DLG2: variants seen among roughly 807,000 people sequenced by gnomAD.
DLG2 encodes the protein discs large MAGUK scaffold protein 2.
A neutral mutation model predicts 132.5 loss-of-function variants in DLG2; 45 were observed. The observed-to-expected ratio is 0.34, with a 90% CI of 0.27 to 0.44. The LOEUF (loss-of-function observed/expected upper bound fraction) is 0.44. Ranked by LOEUF, DLG2 falls within the 20% of genes least tolerant of loss-of-function variation. The pLI is 1.00. For synonymous variants in DLG2, 424 were observed against 419.6 expected (o/e 1.01, Z -0.13); for missense variants, 1,045 against 1,196.9 (o/e 0.87, Z 1.87).
chr11:84,480,849 C>T (rs2099135368), intron 7 of DLG2, among the ~76,000 whole-genome samples: 1 of 151,564 alleles, frequency 6.6e-6, no homozygotes, highest in African/African-American at 2.4e-5. Context: ...AGCGATTCTC[C>T]TGTCTCAGCC....
At position 83,532,709 on chromosome 11, in the gene DLG2, C is replaced by G. The variant is rs199771883; in HGVS notation, c.2192G>C (p.Gly731Ala). 924 of 1,612,936 alleles carry G rather than the reference C, an allele frequency of 5.7e-4. 17 individuals are homozygous for G. In the South Asian group the frequency reaches 9.7e-3, roughly 17 times the overall value. Reference sequence around the variant, plus strand: ...ATGTTTCCATCATTTTGTACCTACCCCTTTCGAATCAATCACTCCAGGTTT... The same window carrying G: ...ATGTTTCCATCATTTTGTACCTACCGCTTTCGAATCAATCACTCCAGGTTT... ...NAKPGVIDSKGSFNDKRKKSF... is the reference protein window; with the variant it reads ...NAKPGVIDSKASFNDKRKKSF... The change falls in exon 21 of 28, where the codon GGG becomes GCG. Residue 731 changes from glycine (G) to alanine (A), a missense_variant and splice_region_variant. Physicochemically the swap from Gly to Ala is moderately conservative, Grantham distance 60. This residue lies in a region of DLG2 where 398 missense variants were observed against 543.6 expected (regional missense o/e 0.73). Transcript: ENST00000376104.
chr11:85,075,708 A>G (rs774504379), intron 6 of DLG2, among the ~76,000 whole-genome samples: 2 of 151,906 alleles, frequency 1.3e-5, no homozygotes, highest in African/African-American at 2.4e-5. Context: ...CCAAAAATAT[A>G]TAATTTTATG....
chr11:84,504,130 C>T (rs1567812793), intron 7 of DLG2, among the ~76,000 whole-genome samples: 1 of 152,286 alleles, frequency 6.6e-6, no homozygotes, highest in Non-Finnish European at 1.5e-5. Flanking sequence ...CATTTAGGAA[C>T]TATGAAGAAG....
chr11:85,419,462 T>A (rs1408835854), intron 3 of DLG2, among the ~76,000 whole-genome samples: 2 of 152,216 alleles, frequency 1.3e-5, no homozygotes, highest in Non-Finnish European at 2.9e-5. Context: ...TGAATTTGAA[T>A]GTTGGCCTAC....
At chr11:84,267,862 A>G (rs2097663413) in intron 7 of DLG2, among the ~76,000 whole-genome samples, 1 of 152,218 alleles carries the variant, frequency 6.6e-6, no homozygotes, top group African/African-American at 2.4e-5. Context: ...CACACATAGC[A>G]GGGACAATTA....
chr11:84,526,775 GTTT>G (rs775164278), intron 7 of DLG2, among the ~76,000 whole-genome samples: 1 of 120,398 alleles, frequency 8.3e-6, no homozygotes. Context: ...CACTGGGGGT[GTTT>G]TTTTTTTTTT....
chr11:85,536,034 G>A (rs1479627384), intron 3 of DLG2, among the ~76,000 whole-genome samples: 1 of 151,800 alleles, frequency 6.6e-6, no homozygotes, highest in Non-Finnish European at 1.5e-5. Flanking sequence ...TGGGCAACAT[G>A]GTGAAACCCC....
chr11:84,332,893 A>G (rs2098467439), intron 7 of DLG2, among the ~76,000 whole-genome samples: 1 of 152,296 alleles, frequency 6.6e-6, no homozygotes, highest in Non-Finnish European at 1.5e-5. Context: ...TTTCAGTTCC[A>G]GAAAGCACCC....
chr11:84,104,364 A>G (rs993295928), intron 9 of DLG2, among the ~76,000 whole-genome samples: 1 of 152,112 alleles, frequency 6.6e-6, no homozygotes, highest in African/African-American at 2.4e-5. Flanking sequence ...AATGGGAGCT[A>G]AACATCGGGT....
intron 7 of DLG2, among the ~76,000 whole-genome samples, chr11:84,364,576 C>T (rs2098670547): frequency 6.6e-6 from 1 of 152,234 alleles, no homozygotes. Flanking sequence ...AGAGGACATC[C>T]CTGTCTTGTG....
intron 8 of DLG2, among the ~76,000 whole-genome samples, chr11:84,181,826 A>T (rs1434717622): frequency 1.3e-5 from 2 of 152,216 alleles, no homozygotes; most frequent in Non-Finnish European, 2.9e-5. Context: ...CTGGGAGAAG[A>T]TGTAACAACC....
At chr11:84,541,297 C>G (rs12575888) in intron 6 of DLG2, among the ~76,000 whole-genome samples, 16,796 of 151,836 alleles carry the variant, frequency 0.11, 1,008 homozygotes, top group South Asian at 0.22. Flanking sequence ...GACAGGGATG[C>G]CTGGTATACT....
At chr11:84,851,854 A>G (rs142998398) in intron 6 of DLG2, among the ~76,000 whole-genome samples, 97 of 151,974 alleles carry the variant, frequency 6.4e-4, no homozygotes, top group African/African-American at 2.3e-3. Context: ...GTTAAATGAT[A>G]TAGATTTTTA....
chr11:83,803,806 T>C lies in DLG2; in HGVS notation c.1723-17014A>G, dbSNP rs2045164940. ...AATGCTGCCTCCAGAGACATATCTGTCAAACAGTCCACTCCTAAAACATCT... is the reference window on the plus strand; with the variant it reads ...AATGCTGCCTCCAGAGACATATCTGCCAAACAGTCCACTCCTAAAACATCT... On this transcript the variant is annotated intron_variant, in intron 17 of 27. Transcript: ENST00000376104. Among the ~76,000 whole-genome samples, 2 of 152,102 alleles carry C rather than the reference T, an allele frequency of 1.3e-5. 1 individual carries two copies. The highest frequency in any genetic ancestry group is 4.1e-4 in the South Asian group (2 of 4,830).
At chr11:85,227,287 G>T (rs1199414216) in intron 4 of DLG2, among the ~76,000 whole-genome samples, 1 of 151,992 alleles carries the variant, frequency 6.6e-6, no homozygotes, top group Non-Finnish European at 1.5e-5. Context: ...TTACCAGTTT[G>T]TAATCTAAAA....
intron 7 of DLG2, among the ~76,000 whole-genome samples, chr11:84,464,988 C>T (rs2099090290): frequency 6.6e-6 from 1 of 151,146 alleles, no homozygotes; most frequent in Non-Finnish European, 1.5e-5. Context: ...ATTGCCAAAA[C>T]TGACAGAATA....
chr11:84,490,988 T>A (rs2099163581), intron 7 of DLG2, among the ~76,000 whole-genome samples: 1 of 151,912 alleles, frequency 6.6e-6, no homozygotes, highest in African/African-American at 2.4e-5. Context: ...AAATTGAGGA[T>A]AAAGAGGTTA....
At chr11:85,478,450 TA>T (rs368368996) in intron 3 of DLG2, among the ~76,000 whole-genome samples, 4,453 of 152,180 alleles carry the variant, frequency 0.029, 92 homozygotes, top group Non-Finnish European at 0.046. Flanking sequence ...TATTTATTCA[TA>T]AAAAAAATTT....
At chr11:83,961,311 G>C (rs537699001) in intron 14 of DLG2, among the ~76,000 whole-genome samples, 16 of 152,142 alleles carry the variant, frequency 1.1e-4, no homozygotes, top group African/African-American at 3.6e-4. Context: ...GTTGTTTTTA[G>C]AGCTCATCAA....
Sources: allele counts gnomAD v4.1 joint callset (sites outside exome capture counted in the v4.1 genomes callset), GRCh38; gene constraint gnomAD v4.1.1; regional missense constraint gnomAD v4.1.1; transcripts MANE v1.5; gene names NCBI Gene and HGNC (gene_info 2026-07-23, HGNC 2026-07-21).